Variants in LRRK2 observed in about 807,000 individuals in gnomAD.
LRRK2 encodes the protein leucine-rich repeat serine/threonine-protein kinase 2.
In LRRK2, 203 loss-of-function variants were observed where a neutral mutation model predicts 302.6. The observed-to-expected ratio is 0.67, with a 90% CI of 0.60 to 0.75. The LOEUF is 0.75. Among genes scored for constraint, LRRK2 ranks in the 30% least tolerant of loss-of-function variants. The pLI is 0.00. For missense variants in LRRK2, 2,830 were observed against 2,951.0 expected (o/e 0.96, Z 0.95); for synonymous variants, 1,066 against 1,031.9 (o/e 1.03, Z -0.63).
In LRRK2 at chr12:40,359,260, C is replaced by G. The variant is rs1424343593; in HGVS notation, c.6844C>G (p.Leu2282Val). 3.1e-6 allele frequency: 5 copies of G among 1,606,532 alleles called. No individual in the cohort carries two copies. The highest frequency in any genetic ancestry group is 4.2e-6 in the Non-Finnish European group (5 of 1,176,648). The change falls in exon 47 of 51, where the codon CTT (leucine) becomes GTT (valine). Residue 2282 changes from leucine (L) to valine (V), a missense_variant and splice_region_variant. Physicochemically the swap from Leu to Val is conservative, Grantham distance 32. Coordinates refer to ENST00000298910, the MANE Select transcript of LRRK2 (RefSeq NM_198578.4). ...LAIFEDKTVKLKGAAPLKILN... is the reference protein window; with the variant it reads ...LAIFEDKTVKVKGAAPLKILN... ...GTGTTTTCTTTTTTTTTTGGCAAAG[C>G]TTAAAGGAGCTGCTCCTTTGAAGAT... is the stretch of plus-strand genomic sequence containing the variant.
chr12:40,346,646 C>A, intron 41 of LRRK2, 107 bp from the exon 42 acceptor site: 1 of 1,016,474 alleles, frequency 9.8e-7, no homozygotes, highest in Middle Eastern at 2.4e-4. Flanking sequence ...TGGTTTAGAA[C>A]ATCTCTTCCT....
chr12:40,299,010 CTT>C, intron 24 of LRRK2, 97 bp from the exon 25 acceptor site: 2 of 1,226,266 alleles, frequency 1.6e-6, no homozygotes, highest in African/African-American at 1.5e-5. Context: ...AATGAGTCCT[CTT>C]TGATGCTGTT....
At chr12:40,313,776 A>G (rs1430772216) in intron 31 of LRRK2, among the ~76,000 whole-genome samples, 196 bp from the exon 32 acceptor site, 1 of 151,854 alleles carries the variant, frequency 6.6e-6, no homozygotes, top group East Asian at 1.9e-4. Flanking sequence ...TGAATCAACA[A>G]TTTTCCTATT....
At chr12:40,259,003 A>G (rs1247252353) in intron 12 of LRRK2, among the ~76,000 whole-genome samples, 4 of 152,212 alleles carry the variant, frequency 2.6e-5, no homozygotes, top group Non-Finnish European at 5.9e-5. Context: ...ATTAAAAATA[A>G]TTAAAAATAC....
At chr12:40,245,125 T>C (rs1474745831) in intron 7 of LRRK2, among the ~76,000 whole-genome samples, 1 of 152,102 alleles carries the variant, frequency 6.6e-6, no homozygotes, top group Non-Finnish European at 1.5e-5. Flanking sequence ...CTCTTTTTTA[T>C]GTATCTTGTT....
At chr12:40,269,489 G>A (rs1943147663) in intron 14 of LRRK2, among the ~76,000 whole-genome samples, 2 of 152,072 alleles carry the variant, frequency 1.3e-5, no homozygotes, top group East Asian at 3.9e-4. Context: ...GTCCCTGAGG[G>A]ACTACAACAA....
chr12:40,343,027 T>C (rs1946094980), intron 41 of LRRK2, among the ~76,000 whole-genome samples: 1 of 152,034 alleles, frequency 6.6e-6, no homozygotes, highest in South Asian at 2.1e-4. Context: ...GTTTAGAGAA[T>C]ATAAAAAAAC....
intron 38 of LRRK2, among the ~76,000 whole-genome samples, chr12:40,326,753 G>A (rs961040356): frequency 2.0e-5 from 3 of 152,072 alleles, no homozygotes; most frequent in Admixed American, 6.5e-5. Flanking sequence ...AGTTCCCTCT[G>A]AAGCTCTCTC....
intron 33 of LRRK2, among the ~76,000 whole-genome samples, chr12:40,316,811 T>C (rs1432958530): frequency 1.1e-4 from 16 of 152,026 alleles, no homozygotes; most frequent in Admixed American, 1.1e-3. Flanking sequence ...ATAAAAAAGA[T>C]GTGTAGGTAG....
intron 20 of LRRK2, among the ~76,000 whole-genome samples, chr12:40,289,905 T>C (rs1944075507): frequency 6.6e-6 from 1 of 151,966 alleles, no homozygotes; most frequent in African/African-American, 2.4e-5. Flanking sequence ...TTTTCTTTTC[T>C]AATATTTATG....
At chr12:40,363,822 G>A (rs921078587) in intron 48 of LRRK2, among the ~76,000 whole-genome samples, 4 of 152,014 alleles carry the variant, frequency 2.6e-5, no homozygotes, top group Non-Finnish European at 4.4e-5. Flanking sequence ...TATTGAAAAT[G>A]AGCATATTGG....
intron 38 of LRRK2, among the ~76,000 whole-genome samples, chr12:40,324,606 G>A (rs554754283): frequency 6.6e-6 from 1 of 152,122 alleles, no homozygotes; most frequent in Non-Finnish European, 1.5e-5. Context: ...TAATGCCTAA[G>A]ATCTGTCAGT....
chr12:40,331,921 C>T (rs1271637610), intron 39 of LRRK2, among the ~76,000 whole-genome samples: 5 of 152,158 alleles, frequency 3.3e-5, no homozygotes, highest in Non-Finnish European at 7.3e-5. Context: ...AATGGCTTTT[C>T]CCATTGTGAT....
At chr12:40,257,770 G>A (rs746772390) in intron 12 of LRRK2, among the ~76,000 whole-genome samples, 28 of 152,176 alleles carry the variant, frequency 1.8e-4, no homozygotes, top group Non-Finnish European at 3.1e-4. Flanking sequence ...TCATCTGAAT[G>A]AACTTTGTCT....
chr12:40,315,373 G>A, intron 33 of LRRK2, 73 bp downstream of exon 33: 1 of 1,278,974 alleles, frequency 7.8e-7, no homozygotes, highest in Non-Finnish European at 1.1e-6. Context: ...AGAGCATTGA[G>A]CATTTTAGAA....
Position 40,278,083 on chromosome 12 carries a change from C to G in LRRK2, c.2071-8C>G, listed in dbSNP as rs1157157419. 1.2e-6 allele frequency: 2 copies of G among 1,613,946 alleles called. No individual in the cohort carries two copies. Among genetic ancestry groups the G allele is most frequent in the Non-Finnish European group, 8.5e-7 (1 of 1,179,950 alleles). On this transcript the variant is annotated splice_polypyrimidine_tract_variant and splice_region_variant and intron_variant, in intron 17 of 50. Transcript: ENST00000298910. ...TCTGACTCTAATTCTCATTTCCACT[C>G]TTTTTAGTTTCTAAACCTCTGTTGC...
intron 26 of LRRK2, 68 bp downstream of exon 26, chr12:40,302,950 C>A: frequency 9.0e-7 from 1 of 1,106,770 alleles, no homozygotes; most frequent in South Asian, 1.3e-5. Flanking sequence ...AACATGATTT[C>A]GATTTAGTCA....
chr12:40,257,114 C>A, intron 11 of LRRK2, 134 bp from the exon 12 acceptor site: 1 of 680,872 alleles, frequency 1.5e-6, no homozygotes, highest in Non-Finnish European at 2.4e-6. Flanking sequence ...TTTAAGCTGT[C>A]AATGAACTAT....
chr12:40,230,241 A>C (rs1053713925), intron 2 of LRRK2, among the ~76,000 whole-genome samples: 8 of 152,112 alleles, frequency 5.3e-5, no homozygotes, highest in African/African-American at 9.7e-5. Context: ...TAATCTGGAA[A>C]AGATCCAAAA....
Sources: allele counts gnomAD v4.1 joint callset (sites outside exome capture counted in the v4.1 genomes callset), GRCh38; gene constraint gnomAD v4.1.1; transcripts MANE v1.5; gene names NCBI Gene and HGNC (gene_info 2026-07-23, HGNC 2026-07-21).